Variants in KREMEN1 observed in about 807,000 individuals in gnomAD.
KREMEN1 encodes kringle containing transmembrane protein 1.
KREMEN1 carries 30 observed loss-of-function variants against 46.5 expected under a neutral mutation model. The ratio of observed to expected loss-of-function variants is 0.65; its 90% CI spans 0.48 to 0.88. The LOEUF (loss-of-function observed/expected upper bound fraction) is 0.88. Ranked by LOEUF, KREMEN1 falls within the 40% of genes least tolerant of loss-of-function variation. The pLI is 0.00. For missense variants in KREMEN1, 533 were observed against 596.9 expected (o/e 0.89, Z 1.11); for synonymous variants, 214 against 230.6 (o/e 0.93, Z 0.65).
intron 9 of KREMEN1, among the ~76,000 whole-genome samples, chr22:29,162,333 A>C (rs532661771): frequency 6.6e-6 from 1 of 152,304 alleles, no homozygotes; most frequent in East Asian, 1.9e-4. Flanking sequence ...GAAGGAATGT[A>C]CCTCAAAATA....
At chr22:29,113,520 C>T (rs1340696538) in intron 3 of KREMEN1, among the ~76,000 whole-genome samples, 1 of 152,208 alleles carries the variant, frequency 6.6e-6, no homozygotes. Flanking sequence ...TTATTCAGCA[C>T]ATTCTATTCT....
Position 29,146,035 on chromosome 22 carries a change from G to A in KREMEN1, c.*3923G>A, listed in dbSNP as rs138213533. 5.3e-4 allele frequency: 520 copies of A among 985,910 alleles called. 9 individuals are homozygous for A. The East Asian group carries it at 0.043, about 82-fold the overall frequency. The allele number at this position is 985,910 out of a possible 1,614,324, so 61.1% of individuals were successfully genotyped here. ...GCTTACTCTTCACAAGCACTTATAC[G>A]CGGATGGCCTCCGAGACCCTGCCTC... On this transcript the variant is annotated 3_prime_UTR_variant, in exon 9 of 9. Transcript: ENST00000400335.
At chr22:29,101,269 A>G (rs571953485) in intron 3 of KREMEN1, among the ~76,000 whole-genome samples, 2 of 151,700 alleles carry the variant, frequency 1.3e-5, no homozygotes, top group South Asian at 2.1e-4. Context: ...AAAAAAAAAA[A>G]AAAAAAGGAT....
At chr22:29,131,754 ATG>A (rs1302964542) in intron 5 of KREMEN1, among the ~76,000 whole-genome samples, 9 of 133,614 alleles carry the variant, frequency 6.7e-5, no homozygotes, top group African/African-American at 2.5e-4. Flanking sequence ...ATATGTATAT[ATG>A]TATATATATA....
In KREMEN1 at chr22:29,142,283, C is replaced by G. The variant is rs2145854261; in HGVS notation, c.*171C>G. The G allele has an allele frequency of 1.5e-6, 2 of 1,326,458 alleles. No individual in the cohort carries two copies. Among genetic ancestry groups the G allele is most frequent in the East Asian group, 5.9e-5 (2 of 33,764 alleles). 82.2% of individuals were successfully genotyped at this position (1,326,458 alleles called of 1,614,324 possible). ...AGGAAGAGGCACCCTGCTGCCAGGG[C>G]AGGCAGAGCCTGGATTCCTCCTGCT... On this transcript the variant is annotated 3_prime_UTR_variant, in exon 9 of 9. Transcript: ENST00000400335.
intron 3 of KREMEN1, among the ~76,000 whole-genome samples, chr22:29,112,516 A>G (rs17443950): frequency 0.019 from 2,888 of 152,282 alleles, 38 homozygotes; most frequent in Non-Finnish European, 0.03. Context: ...GTTGTTTCTT[A>G]TGATAGTAAA....
intron 5 of KREMEN1, among the ~76,000 whole-genome samples, chr22:29,129,221 C>T (rs2145827995): frequency 6.6e-6 from 1 of 152,212 alleles, no homozygotes; most frequent in South Asian, 2.1e-4. Context: ...CACAGGGGTG[C>T]ACACCTGTAA....
intron 9 of KREMEN1, among the ~76,000 whole-genome samples, chr22:29,153,014 G>A (rs2038929106): frequency 6.6e-6 from 1 of 152,240 alleles, no homozygotes; most frequent in Non-Finnish European, 1.5e-5. Context: ...GAGTTTTCTG[G>A]GAAAGGGGTG....
At chr22:29,159,489 C>G (rs2038992370) in intron 9 of KREMEN1, among the ~76,000 whole-genome samples, 1 of 151,948 alleles carries the variant, frequency 6.6e-6, no homozygotes, top group African/African-American at 2.4e-5. Flanking sequence ...TGTGGTGGCG[C>G]ACGCCTGTAA....
chr22:29,140,693 G>A (rs12166535), intron 8 of KREMEN1, among the ~76,000 whole-genome samples: 3,744 of 152,280 alleles, frequency 0.025, 153 homozygotes, highest in African/African-American at 0.086. Context: ...TAGCTAGGAC[G>A]ATGCCGTGCA....
rs536928026 is a variant in KREMEN1, at chr22:29,073,294, C to T, written c.97+67C>T. 7.5e-6 allele frequency: 5 copies of T among 666,868 alleles called. 1 individual carries two copies. In the South Asian group the frequency reaches 2.8e-4, roughly 37 times the overall value. 41.3% of individuals were successfully genotyped at this position (666,868 alleles called of 1,614,324 possible). On this transcript the variant is annotated intron_variant, in intron 1 of 8. Transcript: ENST00000400335. This position sits in a 1 kb window ranked among gnomAD's most constrained non-coding sequence, Gnocchi z 4.4. The stretch of plus-strand genomic sequence containing the variant: ...CCACTCGAGGGGCGACAAGGGCCGG[C>T]CGGCCTGAGAGCCCCCTCCCTCCCG...
At chr22:29,139,785 G>A (rs542443382) in intron 7 of KREMEN1, among the ~76,000 whole-genome samples, 29 of 152,304 alleles carry the variant, frequency 1.9e-4, no homozygotes, top group African/African-American at 7.0e-4. Flanking sequence ...ACCTAGCCTG[G>A]AGGCTTTCAA....
At chr22:29,108,454 G>T (rs8135301) in intron 3 of KREMEN1, among the ~76,000 whole-genome samples, 11,964 of 152,262 alleles carry the variant, frequency 0.079, 634 homozygotes, top group African/African-American at 0.14. Flanking sequence ...ATGACTCTCA[G>T]TTGTGCCTGG....
Position 29,137,508 on chromosome 22 carries a change from G to C in KREMEN1, c.798G>C (p.Ser266=), listed in dbSNP as rs536716246. Residue 266 remains serine, a synonymous_variant, in exon 6 of 9, where the codon TCG becomes TCC. Transcript: ENST00000400335. ...TCCCCCTATTTGACATCAGGGACTC[G>C]GCGGACATGGTGGAGCTTCTGGATG... ...FSFPLFDIRD[S]ADMVELLDGY... The C allele has an allele frequency of 1.9e-6, 3 of 1,611,674 alleles. No homozygotes were observed. The highest frequency in any genetic ancestry group is 1.3e-5 in the African/African-American group (1 of 74,996).
At chr22:29,081,026 A>T (rs1439751237) in intron 1 of KREMEN1, among the ~76,000 whole-genome samples, 7 of 141,932 alleles carry the variant, frequency 4.9e-5, no homozygotes, top group African/African-American at 1.9e-4. Context: ...TTTAGGGTAC[A>T]TGTGCACAAC....
chr22:29,099,946 C>T (rs986933236), intron 3 of KREMEN1, among the ~76,000 whole-genome samples: 2 of 152,180 alleles, frequency 1.3e-5, no homozygotes, highest in East Asian at 3.9e-4. Flanking sequence ...AAGATACAGT[C>T]ATGCACCACA....
intron 3 of KREMEN1, 66 bp downstream of exon 3, chr22:29,099,019 GC>G (rs2037931546): frequency 8.2e-7 from 1 of 1,223,324 alleles, no homozygotes; most frequent in East Asian, 2.3e-5. Context: ...GTAGAGGGAG[GC>G]CCCTGCCAGA....
At chr22:29,117,391 C>T (rs190835533) in intron 3 of KREMEN1, among the ~76,000 whole-genome samples, 230 of 152,204 alleles carry the variant, frequency 1.5e-3, no homozygotes, top group Admixed American at 2.4e-3. Flanking sequence ...CATGGTGAAA[C>T]CCTGTCTGTA....
At chr22:29,115,318 A>T (rs1173080452) in intron 3 of KREMEN1, among the ~76,000 whole-genome samples, 1 of 152,216 alleles carries the variant, frequency 6.6e-6, no homozygotes, top group Non-Finnish European at 1.5e-5. Flanking sequence ...ATAAAAGACT[A>T]CAAATTGAGT....
Sources: allele counts gnomAD v4.1 joint callset (sites outside exome capture counted in the v4.1 genomes callset), GRCh38; gene constraint gnomAD v4.1.1; non-coding constraint Gnocchi (gnomAD v3.1); transcripts MANE v1.5; gene names NCBI Gene and HGNC (gene_info 2026-07-23, HGNC 2026-07-21).